The following KLHL29 variants were observed in gnomAD, a reference collection of about 807,000 sequenced individuals.
KLHL29 encodes the protein kelch-like protein 29.
A neutral mutation model predicts 80.4 loss-of-function variants in KLHL29; 21 were observed. The observed-to-expected ratio is 0.26, with a 90% CI of 0.19 to 0.38. The LOEUF is 0.38. KLHL29 is among the 10% of genes least tolerant of loss of function. The pLI is 1.00. For missense variants in KLHL29, 867 were observed against 1,223.9 expected (o/e 0.71, Z 4.35); for synonymous variants, 511 against 526.8 (o/e 0.97, Z 0.41).
Position 23,684,470 on chromosome 2 carries a change from A to G in KLHL29, c.1012A>G (p.Arg338Gly), listed in dbSNP as rs747067150. The change falls in exon 6 of 14, where the codon AGA becomes GGA. Residue 338 changes from arginine to glycine, a missense_variant. Physicochemically the swap from Arg to Gly is moderately radical, Grantham distance 125. Around this residue, in one of 2 missense-constraint regions of KLHL29, gnomAD observed 443 missense variants for 767.0 expected, o/e 0.58. Coordinates refer to ENST00000486442, the MANE Select transcript of KLHL29 (RefSeq NM_052920.2). This position sits in a 1 kb window ranked among gnomAD's most constrained non-coding sequence, Gnocchi z 4.4. ...AGACCTGAAAATTGTTGTTGAAGGCAGAGAGTTTGAAGTCCACCAAAATGT... is the reference window on the plus strand; with the variant it reads ...AGACCTGAAAATTGTTGTTGAAGGCGGAGAGTTTGAAGTCCACCAAAATGT... ...FTDLKIVVEGREFEVHQNVLA... is the reference protein window; with the variant it reads ...FTDLKIVVEGGEFEVHQNVLA... 6.4e-7 allele frequency: 1 copy of G among 1,551,114 alleles called. No individual in the cohort carries two copies. Among genetic ancestry groups the G allele is most frequent in the South Asian group, 1.2e-5 (1 of 83,920 alleles).
At chr2:23,395,972 A>C (rs1048447627) in intron 1 of KLHL29, among the ~76,000 whole-genome samples, 1 of 152,210 alleles carries the variant, frequency 6.6e-6, no homozygotes, top group African/African-American at 2.4e-5. Flanking sequence ...ACAAAAACCC[A>C]AAACCTGATT....
intron 2 of KLHL29, among the ~76,000 whole-genome samples, chr2:23,505,598 AG>A (rs1246580506): frequency 6.6e-6 from 1 of 152,182 alleles, no homozygotes; most frequent in African/African-American, 2.4e-5. Flanking sequence ...AGCCTCTCAA[AG>A]CCCCCACCCA....
At chr2:23,465,197 A>G (rs1234549008) in intron 1 of KLHL29, among the ~76,000 whole-genome samples, 3 of 152,232 alleles carry the variant, frequency 2.0e-5, no homozygotes, top group African/African-American at 7.2e-5. Context: ...GAAGGGTCAG[A>G]TCCCAGAGAA....
chr2:23,555,702 G>A (rs1487527115), intron 2 of KLHL29, among the ~76,000 whole-genome samples: 1 of 152,238 alleles, frequency 6.6e-6, no homozygotes, highest in Non-Finnish European at 1.5e-5. Flanking sequence ...TCAGAAGTAG[G>A]GAGATGGCAG....
intron 1 of KLHL29, among the ~76,000 whole-genome samples, chr2:23,390,747 G>T (rs970397404): frequency 6.6e-6 from 1 of 151,108 alleles, no homozygotes; most frequent in Non-Finnish European, 1.5e-5. Flanking sequence ...TGCCTCCTGG[G>T]TTCATGAGAT....
At chr2:23,430,647 C>T (rs942003775) in intron 1 of KLHL29, among the ~76,000 whole-genome samples, 1 of 152,298 alleles carries the variant, frequency 6.6e-6, no homozygotes, top group Admixed American at 6.5e-5. Context: ...AGGCACTGTT[C>T]AGCTTTCACA....
chr2:23,588,095 C>A (rs2103514030), intron 3 of KLHL29, among the ~76,000 whole-genome samples: 1 of 152,338 alleles, frequency 6.6e-6, no homozygotes, highest in East Asian at 1.9e-4. Flanking sequence ...TGACCTGGTC[C>A]CCGCCATGCA....
At chr2:23,607,005 A>C (rs1306323710) in intron 3 of KLHL29, among the ~76,000 whole-genome samples, 1 of 152,222 alleles carries the variant, frequency 6.6e-6, no homozygotes, top group Non-Finnish European at 1.5e-5. Context: ...TCCATGGTGG[A>C]AGGGGCAAGC....
Position 23,706,622 on chromosome 2 carries a change from A to G in KLHL29, c.2586A>G (p.Arg862=), listed in dbSNP as rs978698239. 3 of 1,536,114 alleles carry G rather than the reference A, an allele frequency of 2.0e-6. No homozygotes were observed. The highest frequency in any genetic ancestry group is 2.6e-6 in the Non-Finnish European group (3 of 1,146,248). ...CCCACATGCCCTGCCCTGTGTTCAGACACGGCTGCGTCGTGATAAAGAAAT... is the reference window on the plus strand; with the variant it reads ...CCCACATGCCCTGCCCTGTGTTCAGGCACGGCTGCGTCGTGATAAAGAAAT... ...LLPHMPCPVF[R]HGCVVIKKYI... The change falls in exon 14 of 14, where the codon AGA becomes AGG. Residue 862 remains arginine, a synonymous_variant. Coordinates refer to ENST00000486442, the MANE Select transcript of KLHL29 (RefSeq NM_052920.2).
At chr2:23,693,815 G>A (rs1415500950) in intron 8 of KLHL29, among the ~76,000 whole-genome samples, 1 of 152,192 alleles carries the variant, frequency 6.6e-6, no homozygotes, top group African/African-American at 2.4e-5. Context: ...CCAGGAACAC[G>A]GACCCAGCTG....
chr2:23,503,234 G>A lies in KLHL29; in HGVS notation c.-46+27567G>A, dbSNP rs766777562. ...AGACCTGGCAGGGGATGGCTGCTCC[G>A]GGCTGGCCTGGGCCTCGCTCTGCCT... On this transcript the variant is annotated intron_variant, in intron 2 of 13. Coordinates refer to ENST00000486442, the MANE Select transcript of KLHL29 (RefSeq NM_052920.2). The surrounding 1 kb of genome is among the most constrained non-coding windows in gnomAD (Gnocchi z 4.0). 2.2e-4 allele frequency among the ~76,000 whole-genome samples: 34 copies of A among 152,236 alleles called. No individual in the cohort carries two copies. Among genetic ancestry groups the A allele is most frequent in the Admixed American group, 3.9e-4 (6 of 15,294 alleles).
At chr2:23,614,344 T>G (rs543316623) in intron 3 of KLHL29, among the ~76,000 whole-genome samples, 49 of 152,100 alleles carry the variant, frequency 3.2e-4, no homozygotes, top group Non-Finnish European at 6.8e-4. Context: ...CAAAATAAAT[T>G]TCCTAAAATG....
At chr2:23,428,750 C>T (rs983840651) in intron 1 of KLHL29, among the ~76,000 whole-genome samples, 2 of 152,202 alleles carry the variant, frequency 1.3e-5, no homozygotes, top group African/African-American at 4.8e-5. Context: ...TGGAACTTGG[C>T]ATACCCTGAA....
At chr2:23,705,218 C>G (rs1672642281) in intron 13 of KLHL29, among the ~76,000 whole-genome samples, 1 of 152,182 alleles carries the variant, frequency 6.6e-6, no homozygotes. Flanking sequence ...AAGGGCCAGG[C>G]ACAGTGGCTC....
chr2:23,458,693 A>G (rs548048044), intron 1 of KLHL29, among the ~76,000 whole-genome samples: 10 of 152,236 alleles, frequency 6.6e-5, no homozygotes, highest in Non-Finnish European at 1.5e-4. Flanking sequence ...AGCATGAACC[A>G]GGTGAAGAGA....
At chr2:23,408,723 A>T (rs1161243643) in intron 1 of KLHL29, among the ~76,000 whole-genome samples, 1 of 152,246 alleles carries the variant, frequency 6.6e-6, no homozygotes, top group East Asian at 1.9e-4. Flanking sequence ...GATTGTCTGT[A>T]TACCCAGGGA....
chr2:23,614,166 G>A (rs1205226709), intron 3 of KLHL29, among the ~76,000 whole-genome samples: 1 of 152,112 alleles, frequency 6.6e-6, no homozygotes, highest in Non-Finnish European at 1.5e-5. Context: ...TTCCTGCTTT[G>A]AGTTGTCCCA....
intron 5 of KLHL29, among the ~76,000 whole-genome samples, chr2:23,661,142 A>G (rs1440776602): frequency 6.6e-6 from 1 of 152,158 alleles, no homozygotes; most frequent in Admixed American, 6.5e-5. Flanking sequence ...GGAGTTTAAG[A>G]GCAGCCTGGG....
intron 1 of KLHL29, among the ~76,000 whole-genome samples, chr2:23,409,272 C>T (rs982278116): frequency 1.7e-4 from 26 of 152,110 alleles, no homozygotes; most frequent in African/African-American, 6.0e-4. Flanking sequence ...CTTCACTCTC[C>T]GCAGCTGTAC....
Sources: gnomAD v4.1 joint callset for allele counts (sites outside exome capture counted in the v4.1 genomes callset) on GRCh38, gnomAD v4.1.1 for gene constraint, gnomAD v4.1.1 regional missense constraint, Gnocchi (gnomAD v3.1) non-coding constraint, MANE v1.5 for transcripts, NCBI Gene and HGNC (gene_info 2026-07-23, HGNC 2026-07-21) for gene names.